Variants in CSMD1 observed in about 807,000 individuals in gnomAD.
The protein encoded by CSMD1 is CUB and Sushi multiple domains 1, also known as CUB and sushi domain-containing protein 1.
Under a neutral mutation model 417.5 loss-of-function variants are expected in CSMD1, and 213 were observed. That is an observed-to-expected ratio of 0.51 (90% CI 0.46 to 0.57). The LOEUF (loss-of-function observed/expected upper bound fraction) is 0.57, where lower values mean the gene tolerates loss of function less well. CSMD1 is among the 20% of genes least tolerant of loss of function. CSMD1 has a pLI of 0.00. For synonymous variants in CSMD1, 2,862 were observed against 1,736.8 expected, an observed-to-expected ratio of 1.65 and a Z score of -16.11; for missense variants, 6,923 against 4,529.7, an observed-to-expected ratio of 1.53 and a Z score of -15.17.
chr8:3,843,629 G>C (rs531005031), intron 5 of CSMD1, among the ~76,000 whole-genome samples: 21 of 152,262 alleles, frequency 1.4e-4, no homozygotes, highest in South Asian at 1.2e-3. Context: ...ATTTGTTATA[G>C]GATACCATGG....
At chr8:4,179,172 A>C (rs1798217943) in intron 3 of CSMD1, among the ~76,000 whole-genome samples, 1 of 152,152 alleles carries the variant, frequency 6.6e-6, no homozygotes, top group Non-Finnish European at 1.5e-5. Flanking sequence ...ACCTGACTTC[A>C]AACTATACTA....
chr8:3,172,432 A>T (rs532420013), intron 37 of CSMD1, among the ~76,000 whole-genome samples: 1 of 152,224 alleles, frequency 6.6e-6, no homozygotes, highest in East Asian at 1.9e-4. Context: ...GAACCCCGCC[A>T]ATTTGCTTCA....
intron 3 of CSMD1, among the ~76,000 whole-genome samples, chr8:4,211,602 T>C (rs1020866298): frequency 1.3e-5 from 2 of 152,216 alleles, no homozygotes; most frequent in African/African-American, 4.8e-5. Context: ...AAAAGTCATC[T>C]CCAAGTTGCT....
At chr8:3,824,084 A>T (rs536793350) in intron 5 of CSMD1, among the ~76,000 whole-genome samples, 4 of 152,194 alleles carry the variant, frequency 2.6e-5, no homozygotes, top group Non-Finnish European at 5.9e-5. Flanking sequence ...AGAAAACAAA[A>T]ATGTCACAGT....
intron 1 of CSMD1, among the ~76,000 whole-genome samples, chr8:4,837,641 G>A (rs972907002): frequency 6.6e-6 from 1 of 152,078 alleles, no homozygotes; most frequent in African/African-American, 2.4e-5. Context: ...TGGGGAGGTA[G>A]GGATAGTTAA....
At chr8:4,859,157 C>G (rs1487231261) in intron 1 of CSMD1, among the ~76,000 whole-genome samples, 1 of 151,850 alleles carries the variant, frequency 6.6e-6, no homozygotes, top group East Asian at 2.0e-4. Context: ...GAAAAACAAG[C>G]AATGGGGAAA....
At chr8:4,725,800 C>G (rs999631864) in intron 1 of CSMD1, among the ~76,000 whole-genome samples, 1 of 152,122 alleles carries the variant, frequency 6.6e-6, no homozygotes, top group Non-Finnish European at 1.5e-5. Flanking sequence ...TTGAGCCTAG[C>G]TGCTCGGTTG....
At chr8:3,102,326 G>A (rs895393518) in intron 46 of CSMD1, among the ~76,000 whole-genome samples, 1 of 152,180 alleles carries the variant, frequency 6.6e-6, no homozygotes, top group Non-Finnish European at 1.5e-5. Context: ...GTTGTTTAGA[G>A]AATGACAGCT....
intron 1 of CSMD1, among the ~76,000 whole-genome samples, chr8:4,828,438 A>T (rs1280585541): frequency 6.6e-6 from 1 of 152,162 alleles, no homozygotes; most frequent in African/African-American, 2.4e-5. Flanking sequence ...GAGTTGACAG[A>T]TAATCTTCTC....
chr8:4,757,087 T>A (rs1811714111), intron 1 of CSMD1, among the ~76,000 whole-genome samples: 1 of 152,206 alleles, frequency 6.6e-6, no homozygotes, highest in Non-Finnish European at 1.5e-5. Flanking sequence ...AGAAACAGGA[T>A]AAGTAGGACA....
At chr8:4,809,569 C>T (rs139461474) in intron 1 of CSMD1, among the ~76,000 whole-genome samples, 112 of 152,288 alleles carry the variant, frequency 7.4e-4, no homozygotes, top group Middle Eastern at 6.8e-3. Context: ...GACCCATGAG[C>T]TCTACTCCCT....
chr8:4,732,270 C>A (rs1315132734), intron 1 of CSMD1, among the ~76,000 whole-genome samples: 2 of 151,940 alleles, frequency 1.3e-5, no homozygotes, highest in Non-Finnish European at 2.9e-5. Flanking sequence ...AATTGAAAGA[C>A]ACTCTGCTAG....
intron 3 of CSMD1, among the ~76,000 whole-genome samples, chr8:4,277,162 A>C (rs1796532988): frequency 6.6e-6 from 1 of 151,518 alleles, no homozygotes; most frequent in South Asian, 2.1e-4. Context: ...TTAATCCAAC[A>C]CTATACATAC....
chr8:3,342,178 C>G (rs1220767422), intron 23 of CSMD1, among the ~76,000 whole-genome samples: 1 of 152,164 alleles, frequency 6.6e-6, no homozygotes, highest in Non-Finnish European at 1.5e-5. Context: ...TTCAGCCACA[C>G]TTATTCTATT....
chr8:4,677,393 C>T (rs1016581877), intron 1 of CSMD1, among the ~76,000 whole-genome samples: 1 of 151,930 alleles, frequency 6.6e-6, no homozygotes, highest in African/African-American at 2.4e-5. Context: ...CAACATAAGG[C>T]ATTTGAATTA....
At position 3,836,770 on chromosome 8, in the gene CSMD1, C is replaced by T. The variant is rs531767141; in HGVS notation, c.819-82728G>A. Among the ~76,000 whole-genome samples, 59 of 152,178 alleles carry T rather than the reference C, an allele frequency of 3.9e-4. No individual in the cohort carries two copies. The South Asian group carries it at 8.5e-3, about 22-fold the overall frequency. On this transcript the variant is annotated intron_variant, in intron 5 of 69. Transcript: ENST00000635120. The stretch of plus-strand genomic sequence containing the variant: ...CAGGGCAAAAAAATGTATTTTCTCA[C>T]TGCACAATCTTAGTGTTTTATTTAT...
chr8:4,258,963 T>G (rs919742486), intron 3 of CSMD1, among the ~76,000 whole-genome samples: 9 of 152,202 alleles, frequency 5.9e-5, no homozygotes, highest in African/African-American at 2.2e-4. Context: ...CACTAAGGTG[T>G]ATAAATGTCT....
At chr8:4,103,476 G>A (rs943618982) in intron 3 of CSMD1, among the ~76,000 whole-genome samples, 2 of 149,988 alleles carry the variant, frequency 1.3e-5, no homozygotes, top group African/African-American at 2.4e-5. Flanking sequence ...TTTTAAAAAG[G>A]GTTTTACATA....
At chr8:4,571,328 T>C (rs1192914078) in intron 2 of CSMD1, among the ~76,000 whole-genome samples, 2 of 152,228 alleles carry the variant, frequency 1.3e-5, no homozygotes, top group Admixed American at 6.5e-5. Flanking sequence ...TCCCAGAGAT[T>C]CTGGTACATT....
Sources: allele counts gnomAD v4.1 joint callset (sites outside exome capture counted in the v4.1 genomes callset), GRCh38; gene constraint gnomAD v4.1.1; transcripts MANE v1.5; gene names NCBI Gene and HGNC (gene_info 2026-07-23, HGNC 2026-07-21).